The following PFKL variants were observed in gnomAD, a reference collection of about 807,000 sequenced individuals.
The protein encoded by PFKL is phosphofructokinase, liver type, also known as ATP-dependent 6-phosphofructokinase, liver type.
Under a neutral mutation model 92.1 loss-of-function variants are expected in PFKL, and 74 were observed. That is an observed-to-expected ratio of 0.80 (90% CI 0.67 to 0.97). PFKL has a LOEUF of 0.97. Ranked by LOEUF, PFKL falls within the 50% of genes least tolerant of loss-of-function variation. The probability of loss-of-function intolerance (pLI) is 0.00; values close to 1 mark genes in which losing one functional copy is unlikely to be tolerated. For synonymous variants in PFKL, 494 were observed against 456.4 expected (o/e 1.08, Z -1.05); for missense variants, 1,028 against 1,116.6 (o/e 0.92, Z 1.13).
rs144669255 is a variant in PFKL at position 44,326,184 on chromosome 21, C to G, written c.2115C>G (p.Asp705Glu). ...RKGRVFANAPDSACVIGLKKK... is the reference protein window; with the variant it reads ...RKGRVFANAPESACVIGLKKK... ...GACGGGTGTTCGCCAATGCCCCAGA[C>G]TCGGCCTGCGTGATCGGCCTGAAGA... Residue 705 changes from aspartate (D) to glutamate (E), a missense_variant, in exon 21 of 22, where the codon GAC becomes GAG. Asp to Glu is a conservative substitution (Grantham distance 45). Transcript: ENST00000349048. The G allele has an allele frequency of 2.0e-3, 3,220 of 1,612,992 alleles. 4 individuals carry two copies. Among genetic ancestry groups the G allele is most frequent in the Non-Finnish European group, 2.5e-3 (2,901 of 1,179,736 alleles).
At chr21:44,304,405 T>G in intron 1 of PFKL, 1 of 1,256,624 alleles carries the variant, frequency 8.0e-7, no homozygotes, top group Non-Finnish European at 1.0e-6. Context: ...GTGGCCTGGG[T>G]GCGCTGCTCC....
In PFKL at chr21:44,318,413, A is replaced by G. The variant is rs2047266680; in HGVS notation, c.937-57A>G. The G allele has an allele frequency of 3.6e-6, 5 of 1,397,888 alleles. No homozygotes were observed. In the South Asian group the frequency reaches 6.6e-5, roughly 19 times the overall value. 86.6% of individuals were successfully genotyped at this position (1,397,888 alleles called of 1,614,324 possible). On this transcript the variant is annotated intron_variant, in intron 9 of 21. Coordinates refer to ENST00000349048, the MANE Select transcript of PFKL (RefSeq NM_002626.6). ...GTTTGCACATCTACAGAGGATGGGC[A>G]TGTGGCTTGGGGTAGAGGGACCAAG... is the stretch of plus-strand genomic sequence containing the variant.
At position 44,316,337 on chromosome 21, in the gene PFKL, G is replaced by A. The variant is rs2047204582; in HGVS notation, c.841G>A (p.Asp281Asn). Residue 281 changes from aspartate (D) to asparagine (N), a missense_variant and splice_region_variant, in exon 8 of 22, where the codon GAC becomes AAC. By Grantham distance (23) the Asp-to-Asn change is conservative (BLOSUM62 1). Coordinates refer to ENST00000349048, the MANE Select transcript of PFKL (RefSeq NM_002626.6). ...GKPISSSYVK[D>N]LVVQRLGFDT... Reference sequence around the variant, plus strand: ...GCCCATCTCGTCCAGCTACGTGAAGGACGTGCGTGTGGGCCTGGGGGTGGC... The same window carrying A: ...GCCCATCTCGTCCAGCTACGTGAAGAACGTGCGTGTGGGCCTGGGGGTGGC... The A allele has an allele frequency of 1.2e-6, 2 of 1,613,146 alleles. No homozygotes were observed. Among genetic ancestry groups the A allele is most frequent in the Non-Finnish European group, 1.7e-6 (2 of 1,179,922 alleles).
chr21:44,313,561 T>C, intron 5 of PFKL, 77 bp from the exon 6 acceptor site: 1 of 1,449,502 alleles, frequency 6.9e-7, no homozygotes, highest in Non-Finnish European at 9.5e-7. Context: ...ACTGGGTCCC[T>C]TGAGCACCCC....
In PFKL at chr21:44,312,170, G is replaced by A. The variant is rs369562901; in HGVS notation, c.303G>A (p.Ala101=). The stretch of plus-strand genomic sequence containing the variant: ...CCACCAGGGAGGGGCGCCGGGCAGC[G>A]GCCTACAACCTGGTCCAGCACGGCA... ...AFTTREGRRA[A]AYNLVQHGIT... is the part of the protein sequence containing the mutation. Residue 101 remains alanine (A), a synonymous_variant, in exon 4 of 22, where the codon GCG becomes GCA. Transcript: ENST00000349048. The A allele has an allele frequency of 1.5e-5, 24 of 1,595,628 alleles. No individual in the cohort carries two copies. The highest frequency in any genetic ancestry group is 1.7e-4 in the Middle Eastern group (1 of 6,034).
intron 1 of PFKL, chr21:44,304,475 G>A: frequency 8.4e-7 from 1 of 1,188,586 alleles, no homozygotes; most frequent in Non-Finnish European, 1.1e-6. Context: ...GACCTGTGGT[G>A]GGACCAGGTC....
chr21:44,313,285 C>A (rs1428382274), intron 5 of PFKL, 142 bp downstream of exon 5: 2 of 966,160 alleles, frequency 2.1e-6, no homozygotes, highest in African/African-American at 1.6e-5. Flanking sequence ...CAGCCCCCAG[C>A]TGGGGGAACG....
chr21:44,311,199 T>G, intron 3 of PFKL, 116 bp downstream of exon 3: 1 of 725,836 alleles, frequency 1.4e-6, no homozygotes. Context: ...AACACACACA[T>G]GCAGACACAC....
intron 1 of PFKL, chr21:44,305,931 G>A (rs1012210061): frequency 7.4e-7 from 1 of 1,360,130 alleles, no homozygotes; most frequent in Non-Finnish European, 9.8e-7. Flanking sequence ...TGTCCAGGCT[G>A]GGGGGTGAGG....
At chr21:44,324,440 A>G in intron 16 of PFKL, 51 bp from the exon 17 acceptor site, 1 of 1,597,134 alleles carries the variant, frequency 6.3e-7, no homozygotes, top group Non-Finnish European at 8.6e-7. Flanking sequence ...CCGACGGCCT[A>G]CAGGGAAGGG....
chr21:44,303,441 A>AGACTTGATCG lies in PFKL; in HGVS notation c.86-3240_86-3239insGACTTGATCG, dbSNP rs1433666608. 7.8e-3 allele frequency among the ~76,000 whole-genome samples: 754 copies of AGACTTGATCG among 97,028 alleles called. 101 individuals are homozygous for AGACTTGATCG. The highest frequency in any genetic ancestry group is 0.036 in the African/African-American group (685 of 18,912). 63.7% of individuals were successfully genotyped at this position (97,028 alleles called of 152,430 possible). Reference sequence around the variant, plus strand: ...AAAAAAACAGACTTGACCAAAAAAAAAAAAAAAAAAAAAATGGCCCGGCCT... The same window carrying AGACTTGATCG: ...AAAAAAACAGACTTGACCAAAAAAAAGACTTGATCGAAAAAAAAAAAAAATGGCCCGGCCT... On this transcript the variant is annotated intron_variant, in intron 1 of 21. Coordinates refer to ENST00000349048, the MANE Select transcript of PFKL (RefSeq NM_002626.6).
chr21:44,312,911 G>T, intron 4 of PFKL, 67 bp from the exon 5 acceptor site: 1 of 1,534,994 alleles, frequency 6.5e-7, no homozygotes, highest in Non-Finnish European at 9.0e-7. Context: ...TGGCAGGAGA[G>T]GGGTCTCTGG....
Position 44,321,744 on chromosome 21 carries a change from G to A in PFKL, c.1207G>A (p.Ala403Thr). The change falls in exon 13 of 22, where the codon GCC becomes ACC. Residue 403 changes from alanine (A) to threonine (T), a missense_variant. Physicochemically the swap from Ala to Thr is moderately conservative, Grantham distance 58 (BLOSUM62 0). Coordinates refer to ENST00000349048, the MANE Select transcript of PFKL (RefSeq NM_002626.6). ...PPKEKSNFSL[A>T]ILNVGAPAAG... is the part of the protein sequence containing the mutation. The stretch of plus-strand genomic sequence containing the variant: ...CTCTCTGAAGTCTAACTTCTCCCTG[G>A]CCATCCTGAATGTGGGGGCCCCGGC... The A allele has an allele frequency of 6.3e-7, 1 of 1,579,720 alleles. No individual in the cohort carries two copies. The highest frequency in any genetic ancestry group is 8.6e-7 in the Non-Finnish European group (1 of 1,164,440).
rs756117858 is a variant in PFKL at position 44,326,831 on chromosome 21, G to A, written c.2312G>A (p.Arg771His). ...YVSGELEHVT[R>H]RTLSMDKGF ...TCAGGGGAGCTGGAGCACGTGACCC[G>A]CCGCACCCTGAGCATGGACAAGGGC... The change falls in exon 22 of 22, where the codon CGC (arginine) becomes CAC (histidine). Residue 771 changes from arginine (R) to histidine (H), a missense_variant. By Grantham distance (29) the Arg-to-His change is conservative (BLOSUM62 0). Transcript: ENST00000349048. 9.9e-6 allele frequency: 16 copies of A among 1,609,920 alleles called. No individual in the cohort carries two copies. In the Admixed American group the frequency reaches 1.7e-4, roughly 17 times the overall value.
At chr21:44,313,704 C>T (rs376002608) in intron 6 of PFKL, 22 bp downstream of exon 6, 54 of 1,605,336 alleles carry the variant, frequency 3.4e-5, no homozygotes, top group South Asian at 1.0e-4. Context: ...CTTCCTGGCC[C>T]GCTGGGTGGC....
intron 1 of PFKL, among the ~76,000 whole-genome samples, chr21:44,303,246 G>A (rs1161888114): frequency 2.2e-5 from 3 of 138,888 alleles, no homozygotes; most frequent in African/African-American, 8.5e-5. Flanking sequence ...AAACAAACAA[G>A]AAAAAACCCC....
rs1247599242 is a variant in PFKL at position 44,300,100 on chromosome 21, G to A, written c.-6G>A. 2.6e-6 allele frequency: 3 copies of A among 1,143,242 alleles called. No homozygotes were observed. Among genetic ancestry groups the A allele is most frequent in the Non-Finnish European group, 3.3e-6 (3 of 919,142 alleles). The allele number at this position is 1,143,242 out of a possible 1,614,324, so 70.8% of individuals were successfully genotyped here. On this transcript the variant is annotated 5_prime_UTR_variant, in exon 1 of 22. Transcript: ENST00000349048. ...TGCGAGCTGGGCCCGTGTTTCGGCCGCCGCCATGGCCGCGGTGGACCTGGA... is the reference window on the plus strand; with the variant it reads ...TGCGAGCTGGGCCCGTGTTTCGGCCACCGCCATGGCCGCGGTGGACCTGGA...
chr21:44,323,754 C>A lies in PFKL; in HGVS notation c.1498-12C>A. The A allele has an allele frequency of 6.2e-7, 1 of 1,609,018 alleles. No homozygotes were observed. The highest frequency in any genetic ancestry group is 2.2e-5 in the East Asian group (1 of 44,650). ...GTGCTGCCCTTGACCTGCCCCGTCC[C>A]TACTGCTGCAGGCCTATGAAGGGGT... is the stretch of plus-strand genomic sequence containing the variant. On this transcript the variant is annotated splice_polypyrimidine_tract_variant and intron_variant, in intron 15 of 21. Transcript: ENST00000349048.
Position 44,313,991 on chromosome 21 carries a change from G to A in PFKL, c.717G>A (p.Trp239Ter), listed in dbSNP as rs1297784923. 6.2e-7 allele frequency: 1 copy of A among 1,607,390 alleles called. No homozygotes were observed. Among genetic ancestry groups the A allele is most frequent in the Non-Finnish European group, 8.5e-7 (1 of 1,178,150 alleles). Reference sequence around the variant, plus strand: ...CCGAGGCTCCACCCGAGGACGGCTGGGAGAACTTCATGTGTGAGAGGCTGG... The same window carrying A: ...CCGAGGCTCCACCCGAGGACGGCTGAGAGAACTTCATGTGTGAGAGGCTGG... ...FIPEAPPEDG[W>*]ENFMCERLGE... Residue 239 changes from tryptophan to a stop codon, truncating the protein, a stop_gained, in exon 7 of 22, where the codon TGG (tryptophan) becomes TGA (stop). Coordinates refer to ENST00000349048, the MANE Select transcript of PFKL (RefSeq NM_002626.6). LOFTEE classifies it high-confidence loss of function.
Sources: gnomAD v4.1 joint callset for allele counts (sites outside exome capture counted in the v4.1 genomes callset) on GRCh38, gnomAD v4.1.1 for gene constraint, MANE v1.5 for transcripts, NCBI Gene and HGNC (gene_info 2026-07-23, HGNC 2026-07-21) for gene names.